Variants in ADGB observed in about 807,000 individuals in gnomAD.
ADGB encodes androglobin.
Under a neutral mutation model 210.5 loss-of-function variants are expected in ADGB, and 172 were observed. The ratio of observed to expected loss-of-function variants is 0.82; its 90% CI spans 0.72 to 0.93. ADGB has a LOEUF of 0.93. Ranked by LOEUF, ADGB falls within the 40% of genes least tolerant of loss-of-function variation. The probability of loss-of-function intolerance (pLI) is 0.00; values close to 1 mark genes in which losing one functional copy is unlikely to be tolerated. For missense variants in ADGB, 2,025 were observed against 1,964.8 expected (o/e 1.03, Z -0.58); for synonymous variants, 658 against 662.7 (o/e 0.99, Z 0.11).
chr6:146,765,665 A>G (rs558190609), intron 28 of ADGB, among the ~76,000 whole-genome samples: 82 of 151,620 alleles, frequency 5.4e-4, no homozygotes, highest in Non-Finnish European at 1.1e-3. Flanking sequence ...TATGAAATAC[A>G]TAAGATTCAA....
intron 13 of ADGB, among the ~76,000 whole-genome samples, chr6:146,706,807 T>C (rs1223230332): frequency 6.6e-6 from 1 of 151,360 alleles, no homozygotes; most frequent in Non-Finnish European, 1.5e-5. Context: ...AGCAAAAGGT[T>C]TGTCAGTTTT....
At chr6:146,657,538 A>G (rs75483048) in intron 5 of ADGB, among the ~76,000 whole-genome samples, 362 of 152,308 alleles carry the variant, frequency 2.4e-3, no homozygotes, top group Middle Eastern at 6.8e-3. Flanking sequence ...CACTTTAAAC[A>G]GGTTCTGCCT....
intron 6 of ADGB, among the ~76,000 whole-genome samples, chr6:146,665,696 A>G (rs540897036): frequency 5.3e-5 from 8 of 152,120 alleles, no homozygotes; most frequent in Non-Finnish European, 1.2e-4. Context: ...CAATTAGTAA[A>G]TAAAGCAACA....
At chr6:146,613,876 TAGC>T (rs1247309257) in intron 1 of ADGB, among the ~76,000 whole-genome samples, 1 of 151,900 alleles carries the variant, frequency 6.6e-6, no homozygotes, top group African/African-American at 2.4e-5. Flanking sequence ...ATTTTATTAA[TAGC>T]AGGTTTATAA....
chr6:146,794,269 G>A (rs765356821), intron 33 of ADGB, among the ~76,000 whole-genome samples: 5 of 152,240 alleles, frequency 3.3e-5, no homozygotes, highest in Non-Finnish European at 5.9e-5. Flanking sequence ...GGTTGTGTAT[G>A]TTAAAAAGGT....
Position 146,728,721 on chromosome 6 carries a change from C to A in ADGB, c.2500C>A (p.Leu834Ile), listed in dbSNP as rs1214993111. 1.9e-6 allele frequency: 3 copies of A among 1,550,238 alleles called. No homozygotes were observed. Among genetic ancestry groups the A allele is most frequent in the Non-Finnish European group, 8.7e-7 (1 of 1,146,024 alleles). ...HYPVPFHDKE[L>I]TAQHFRVFHL... The stretch of plus-strand genomic sequence containing the variant: ...CCCTGTCCCCTTCCATGATAAAGAA[C>A]TAACTGCACAGCACTTCAGGGTAAG... The change falls in exon 20 of 36, where the codon CTA becomes ATA. Residue 834 changes from leucine to isoleucine, a missense_variant. Physicochemically the swap from Leu to Ile is conservative, Grantham distance 5 (BLOSUM62 2). Coordinates refer to ENST00000397944, the MANE Select transcript of ADGB (RefSeq NM_024694.4).
intron 1 of ADGB, among the ~76,000 whole-genome samples, chr6:146,625,041 G>A (rs1780952468): frequency 1.3e-5 from 2 of 151,996 alleles, no homozygotes; most frequent in African/African-American, 4.8e-5. Context: ...TGTGTATTCT[G>A]TTGTGATAGA....
intron 12 of ADGB, among the ~76,000 whole-genome samples, chr6:146,696,290 G>T (rs1203858697): frequency 6.6e-6 from 1 of 151,956 alleles, no homozygotes; most frequent in African/African-American, 2.4e-5. Flanking sequence ...TGGCCAGGCT[G>T]GTCTCTATCT....
intron 13 of ADGB, among the ~76,000 whole-genome samples, chr6:146,702,345 AT>A (rs1212836940): frequency 6.6e-6 from 1 of 151,866 alleles, no homozygotes; most frequent in Non-Finnish European, 1.5e-5. Context: ...ATGGTATTTT[AT>A]TTTTTATTAT....
intron 1 of ADGB, among the ~76,000 whole-genome samples, chr6:146,602,928 C>G (rs1333127461): frequency 6.6e-6 from 1 of 152,210 alleles, no homozygotes; most frequent in Non-Finnish European, 1.5e-5. Flanking sequence ...AAACTGGTCC[C>G]TGGTGCCAAA....
chr6:146,617,631 T>G (rs2114837366), intron 1 of ADGB, among the ~76,000 whole-genome samples: 1 of 152,180 alleles, frequency 6.6e-6, no homozygotes, highest in South Asian at 2.1e-4. Flanking sequence ...GCGCAATTTA[T>G]GTAGAGTTTT....
At position 146,784,930 on chromosome 6, in the gene ADGB, AATAAC is replaced by A. The variant is rs1268882189; in HGVS notation, c.4212+137_4212+141del. 12 of 873,202 alleles carry A rather than the reference AATAAC, an allele frequency of 1.4e-5. No homozygotes were observed. In the African/African-American group the frequency reaches 2.1e-4, roughly 15 times the overall value. 54.1% of individuals were successfully genotyped at this position (873,202 alleles called of 1,614,324 possible). A position where few individuals can be genotyped will look rare whatever the true frequency, so the allele number is the denominator to read the frequency against. On this transcript the variant is annotated intron_variant, in intron 31 of 35. Transcript: ENST00000397944. ...CTGAAATTTTATCAGACAGGCATTG[AATAAC>A]TACGTTAGGACCACCTTTGGACACA... is the stretch of plus-strand genomic sequence containing the variant.
At chr6:146,755,699 T>TG (rs989307970) in intron 27 of ADGB, among the ~76,000 whole-genome samples, 2 of 152,020 alleles carry the variant, frequency 1.3e-5, no homozygotes, top group Non-Finnish European at 2.9e-5. Flanking sequence ...GTCTCTAAAA[T>TG]GGGGGAATGC....
chr6:146,712,719 A>G (rs1776676810), intron 13 of ADGB, among the ~76,000 whole-genome samples: 1 of 151,876 alleles, frequency 6.6e-6, no homozygotes, highest in African/African-American at 2.4e-5. Context: ...ATTTTAATAT[A>G]TTTATCCTTA....
chr6:146,627,347 A>G (rs2114850055), intron 1 of ADGB, among the ~76,000 whole-genome samples: 1 of 152,210 alleles, frequency 6.6e-6, no homozygotes. Flanking sequence ...TATGACAGAC[A>G]TTATGATTTT....
At chr6:146,666,795 A>G in intron 6 of ADGB, 21 bp from the exon 7 acceptor site, 3 of 1,527,170 alleles carry the variant, frequency 2.0e-6, no homozygotes, top group East Asian at 2.5e-5. Flanking sequence ...TACCTGTAAC[A>G]TTATGCATGT....
chr6:146,803,373 T>G, intron 35 of ADGB: 1 of 1,607,958 alleles, frequency 6.2e-7, no homozygotes, highest in Non-Finnish European at 8.5e-7. Flanking sequence ...GTGTAATTTT[T>G]CAGTCTGGTG....
Position 146,733,892 on chromosome 6 carries a change from G to T in ADGB, c.2657-1G>T, listed in dbSNP as rs1453654755. The T allele has an allele frequency of 3.2e-6, 5 of 1,551,348 alleles. No individual in the cohort carries two copies. Among genetic ancestry groups the T allele is most frequent in the Non-Finnish European group, 4.4e-6 (5 of 1,146,908 alleles). Reference sequence around the variant, plus strand: ...TCCAAAGTTTGTTTTTCCCTTTCCAGTGGAATGGCTGGACGTTAAATATTG... The same window carrying T: ...TCCAAAGTTTGTTTTTCCCTTTCCATTGGAATGGCTGGACGTTAAATATTG... On this transcript the variant is annotated splice_acceptor_variant, in intron 21 of 35. Coordinates refer to ENST00000397944, the MANE Select transcript of ADGB (RefSeq NM_024694.4). LOFTEE classifies it high-confidence loss of function.
chr6:146,733,330 T>C, intron 21 of ADGB, 75 bp downstream of exon 21: 1 of 1,343,566 alleles, frequency 7.4e-7, no homozygotes, highest in Non-Finnish European at 9.9e-7. Context: ...GAAATGTGTT[T>C]GTGGAGTAAG....
Sources: allele counts gnomAD v4.1 joint callset (sites outside exome capture counted in the v4.1 genomes callset), GRCh38; gene constraint gnomAD v4.1.1; transcripts MANE v1.5; gene names NCBI Gene and HGNC (gene_info 2026-07-23, HGNC 2026-07-21).